The following BICD1 variants were observed in gnomAD, a reference collection of about 807,000 sequenced individuals.
BICD1 encodes the protein BICD cargo adaptor 1.
BICD1 carries 35 observed loss-of-function variants against 92.5 expected under a neutral mutation model. That is an observed-to-expected ratio of 0.38 (90% confidence interval 0.29 to 0.50). The LOEUF (loss-of-function observed/expected upper bound fraction) is 0.50. Ranked by LOEUF, BICD1 falls within the 20% of genes least tolerant of loss-of-function variation. BICD1 has a pLI of 0.93. For synonymous variants in BICD1, 429 were observed against 465.1 expected (o/e 0.92, Z 1.00); for missense variants, 950 against 1,189.8 (o/e 0.80, Z 2.97).
At chr12:32,192,847 A>G (rs932068063) in intron 1 of BICD1, among the ~76,000 whole-genome samples, 2 of 152,240 alleles carry the variant, frequency 1.3e-5, no homozygotes, top group African/African-American at 4.8e-5. Flanking sequence ...GGAAACAGCA[A>G]GAGAGCTAGA....
At chr12:32,226,833 G>A (rs2121576157) in intron 2 of BICD1, among the ~76,000 whole-genome samples, 1 of 152,366 alleles carries the variant, frequency 6.6e-6, no homozygotes, top group Admixed American at 6.5e-5. Flanking sequence ...CTCCCCAGCT[G>A]CGGTGACCTT....
chr12:32,172,380 G>A (rs1468856080), intron 1 of BICD1, among the ~76,000 whole-genome samples: 1 of 152,186 alleles, frequency 6.6e-6, no homozygotes, highest in Non-Finnish European at 1.5e-5. Flanking sequence ...AAGCTGCTTT[G>A]CTCCCTTACT....
intron 1 of BICD1, among the ~76,000 whole-genome samples, chr12:32,134,350 A>G (rs1405509905): frequency 2.0e-5 from 3 of 152,192 alleles, no homozygotes; most frequent in Non-Finnish European, 4.4e-5. Context: ...AGCTGATATG[A>G]TCTTTGTATG....
chr12:32,181,110 G>A (rs1186474325), intron 1 of BICD1, among the ~76,000 whole-genome samples: 5 of 151,750 alleles, frequency 3.3e-5, no homozygotes, highest in African/African-American at 9.7e-5. Flanking sequence ...AAATACTAAA[G>A]AGGTGCTTAT....
intron 4 of BICD1, among the ~76,000 whole-genome samples, chr12:32,309,546 C>T (rs1268717934): frequency 6.6e-6 from 1 of 152,130 alleles, no homozygotes; most frequent in Non-Finnish European, 1.5e-5. Context: ...CATTAAAGGC[C>T]TTACACCAGT....
intron 3 of BICD1, 119 bp from the exon 4 acceptor site, chr12:32,305,578 T>G: frequency 1.2e-6 from 1 of 863,840 alleles, no homozygotes; most frequent in Non-Finnish European, 1.7e-6. Flanking sequence ...TTTTTATTAT[T>G]TATTTTTTAG....
rs140875588 is a variant in BICD1 at position 32,316,194 on chromosome 12, G to A, written c.1005+10072G>A. Among the ~76,000 whole-genome samples, 8 of 151,706 alleles carry A rather than the reference G, an allele frequency of 5.3e-5. No individual in the cohort carries two copies. The East Asian group carries it at 1.6e-3, about 29-fold the overall frequency. ...GATTTTTGCCCAACTGTAGGCTAAC[G>A]TAAGTGTTCTGGACACTTTTAAGGT... On this transcript the variant is annotated intron_variant, in intron 4 of 9. Transcript: ENST00000652176.
At chr12:32,222,911 CT>C (rs1945576790) in intron 2 of BICD1, among the ~76,000 whole-genome samples, 1 of 152,188 alleles carries the variant, frequency 6.6e-6, no homozygotes. Flanking sequence ...GCACCTTAAT[CT>C]TAGATCTTCA....
chr12:32,381,226 T>G lies in BICD1; in HGVS notation c.*3599T>G, dbSNP rs1035746872. On this transcript the variant is annotated 3_prime_UTR_variant, in exon 10 of 10. Coordinates refer to ENST00000652176, the MANE Select transcript of BICD1 (RefSeq NM_001714.4). Reference sequence around the variant, plus strand: ...GGTATTATTTTTTCTTTCAGCTATATTCCATGGTATCTTTAAAATTGTTCA... The same window carrying G: ...GGTATTATTTTTTCTTTCAGCTATAGTCCATGGTATCTTTAAAATTGTTCA... 6.6e-6 allele frequency: 1 copy of G among 152,052 alleles called. No individual in the cohort carries two copies. Among genetic ancestry groups the G allele is most frequent in the African/African-American group, 2.4e-5 (1 of 41,450 alleles). The allele number at this position is 152,052 out of a possible 1,614,324, so 9.4% of individuals were successfully genotyped here. A position where few individuals can be genotyped will look rare whatever the true frequency, so the allele number is the denominator to read the frequency against.
At chr12:32,120,747 G>C (rs1164611592) in intron 1 of BICD1, among the ~76,000 whole-genome samples, 5 of 140,050 alleles carry the variant, frequency 3.6e-5, no homozygotes, top group Non-Finnish European at 1.5e-5. Context: ...TCTTTGGCAC[G>C]CATGACCATT....
At chr12:32,218,786 G>T (rs1471806246) in intron 2 of BICD1, among the ~76,000 whole-genome samples, 1 of 152,156 alleles carries the variant, frequency 6.6e-6, no homozygotes, top group African/African-American at 2.4e-5. Context: ...TAATGTATTT[G>T]TTAATGTTCT....
At chr12:32,321,977 C>T (rs1330634798) in intron 4 of BICD1, among the ~76,000 whole-genome samples, 1 of 151,984 alleles carries the variant, frequency 6.6e-6, no homozygotes, top group Non-Finnish European at 1.5e-5. Flanking sequence ...CCAGCCTGGG[C>T]GACAGAGTGA....
intron 1 of BICD1, among the ~76,000 whole-genome samples, chr12:32,142,903 TG>T (rs55901078): frequency 0.11 from 17,380 of 152,216 alleles, 1,167 homozygotes; most frequent in South Asian, 0.21. Flanking sequence ...GCATTGCCTT[TG>T]CTGTGTTCAC....
At chr12:32,252,034 A>ATATATTTATAATAAATATTATATAT (rs1946545103) in intron 2 of BICD1, among the ~76,000 whole-genome samples, 2 of 56,676 alleles carry the variant, frequency 3.5e-5, no homozygotes, top group Non-Finnish European at 6.6e-5. Flanking sequence ...TATATTTATA[A>ATATATTTATAATAAATATTATATAT]TATATATTTA....
chr12:32,284,434 A>C (rs910800292), intron 2 of BICD1, among the ~76,000 whole-genome samples: 1 of 151,976 alleles, frequency 6.6e-6, no homozygotes, highest in African/African-American at 2.4e-5. Context: ...TTATTAGGCC[A>C]TTGTTCCTTA....
rs1021996578 is a variant in BICD1, at chr12:32,382,710, T to C, written c.*5083T>C. ...TTCTTTCAGAATTATTCCTCAATCA[T>C]TGTTCTCTAATGAAAACACCGAGAA... On this transcript the variant is annotated 3_prime_UTR_variant, in exon 10 of 10. Transcript: ENST00000652176. 2.0e-5 allele frequency: 3 copies of C among 152,114 alleles called. No individual in the cohort carries two copies. The highest frequency in any genetic ancestry group is 4.1e-4 in the South Asian group (2 of 4,830). The allele number at this position is 152,114 out of a possible 1,614,324, so 9.4% of individuals were successfully genotyped here.
At chr12:32,291,367 C>T (rs988758482) in intron 2 of BICD1, among the ~76,000 whole-genome samples, 2 of 151,678 alleles carry the variant, frequency 1.3e-5, no homozygotes, top group African/African-American at 2.4e-5. Context: ...CGAGACCCCA[C>T]CTCTATAAAA....
chr12:32,124,598 T>C (rs1361211771), intron 1 of BICD1, among the ~76,000 whole-genome samples: 1 of 152,196 alleles, frequency 6.6e-6, no homozygotes, highest in African/African-American at 2.4e-5. Flanking sequence ...GTGTTGGCTG[T>C]GCTCGATAGG....
At chr12:32,228,185 G>T (rs890717781) in intron 2 of BICD1, 1 of 156,584 alleles carries the variant, frequency 6.4e-6, no homozygotes, top group African/African-American at 2.4e-5. Flanking sequence ...TAAGACTCTC[G>T]ATGCAGGGCC....
Sources: gnomAD v4.1 joint callset for allele counts (sites outside exome capture counted in the v4.1 genomes callset) on GRCh38, gnomAD v4.1.1 for gene constraint, MANE v1.5 for transcripts, NCBI Gene and HGNC (gene_info 2026-07-23, HGNC 2026-07-21) for gene names.